BRINP3: variants seen among roughly 807,000 people sequenced by gnomAD.
BRINP3 encodes the protein BMP/retinoic acid inducible neural specific 3, also known as BMP/retinoic acid-inducible neural-specific protein 3.
In BRINP3, 19 loss-of-function variants were observed where a neutral mutation model predicts 71.0. The ratio of observed to expected loss-of-function variants is 0.27; its 90% confidence interval spans 0.19 to 0.39. The LOEUF is 0.39. Among genes scored for constraint, BRINP3 ranks in the 10% least tolerant of loss-of-function variants. BRINP3 has a pLI of 1.00. For synonymous variants in BRINP3, 380 were observed against 337.7 expected, an observed-to-expected ratio of 1.13 and a Z score of -1.37; for missense variants, 959 against 940.8, an observed-to-expected ratio of 1.02 and a Z score of -0.25.
intron 2 of BRINP3, among the ~76,000 whole-genome samples, chr1:190,402,499 C>A (rs182371652): frequency 1.3e-5 from 2 of 152,234 alleles, no homozygotes; most frequent in East Asian, 3.9e-4. Context: ...AAATCTCTTA[C>A]AAGGTATCTT....
intron 2 of BRINP3, among the ~76,000 whole-genome samples, chr1:190,311,970 T>A (rs1283584168): frequency 7.0e-6 from 1 of 143,106 alleles, no homozygotes; most frequent in African/African-American, 2.5e-5. Flanking sequence ...TTATCTTAAT[T>A]AGACAAAATA....
At position 190,160,772 on chromosome 1, in the gene BRINP3, G is replaced by A. The variant is rs767472596; in HGVS notation, c.1080C>T (p.Asn360=). Residue 360 remains asparagine, a synonymous_variant, in exon 7 of 8, where the codon AAC becomes AAT. Coordinates refer to ENST00000367462, the MANE Select transcript of BRINP3 (RefSeq NM_199051.3). ...NFQRRYEQLE[N]SMKQLFLKAQ... ...CCTTTAGGAAAAGTTGTTTCATGCT[G>A]TTCTCCAGTTGTTCATAACGGCGCT... is the stretch of plus-strand genomic sequence containing the variant. 1 of 1,613,552 alleles carries A rather than the reference G, an allele frequency of 6.2e-7. No homozygotes were observed. Among genetic ancestry groups the A allele is most frequent in the East Asian group, 2.2e-5 (1 of 44,818 alleles).
chr1:190,140,974 T>C (rs1416481668), intron 7 of BRINP3, among the ~76,000 whole-genome samples: 3 of 152,190 alleles, frequency 2.0e-5, no homozygotes, highest in Non-Finnish European at 4.4e-5. Flanking sequence ...TTTAAAATCT[T>C]TGATGCTAAT....
chr1:190,327,475 C>A (rs1370786380), intron 2 of BRINP3, among the ~76,000 whole-genome samples: 3 of 109,208 alleles, frequency 2.7e-5, no homozygotes, highest in South Asian at 3.3e-4. Context: ...AGATCAAGGA[C>A]ACAAACAAAA....
intron 2 of BRINP3, among the ~76,000 whole-genome samples, chr1:190,395,103 T>C (rs1035532076): frequency 4.0e-5 from 6 of 151,772 alleles, no homozygotes; most frequent in Non-Finnish European, 5.9e-5. Context: ...CAGGCAGCTA[T>C]TTATTTCTCA....
intron 6 of BRINP3, among the ~76,000 whole-genome samples, chr1:190,172,779 G>A (rs543540769): frequency 1.5e-4 from 23 of 152,214 alleles, no homozygotes; most frequent in African/African-American, 4.8e-4. Flanking sequence ...TACGACAATC[G>A]AACATAGCCT....
At chr1:190,458,968 AC>A (rs371624918) in intron 1 of BRINP3, among the ~76,000 whole-genome samples, 146 of 152,044 alleles carry the variant, frequency 9.6e-4, no homozygotes, top group African/African-American at 3.0e-3. Flanking sequence ...ACACAAAAAA[AC>A]AAAACATTAA....
intron 6 of BRINP3, among the ~76,000 whole-genome samples, chr1:190,188,502 A>G (rs1201729441): frequency 6.6e-6 from 1 of 152,182 alleles, no homozygotes; most frequent in African/African-American, 2.4e-5. Context: ...TGGGATTGTC[A>G]TATATAGCCT....
intron 2 of BRINP3, among the ~76,000 whole-genome samples, chr1:190,397,241 A>T (rs1671639172): frequency 6.6e-6 from 1 of 152,000 alleles, no homozygotes; most frequent in Non-Finnish European, 1.5e-5. Flanking sequence ...GCCATGAAGA[A>T]TCAAGAAAAA....
chr1:190,352,550 G>A (rs543379391), intron 2 of BRINP3, among the ~76,000 whole-genome samples: 32 of 151,942 alleles, frequency 2.1e-4, no homozygotes, highest in African/African-American at 7.2e-4. Context: ...AGAGATTGAA[G>A]CTCTTAATTG....
At chr1:190,252,113 T>C (rs1660204191) in intron 4 of BRINP3, among the ~76,000 whole-genome samples, 1 of 152,052 alleles carries the variant, frequency 6.6e-6, no homozygotes. Context: ...GAACCTTTAT[T>C]ACTGGCAGCT....
intron 7 of BRINP3, among the ~76,000 whole-genome samples, chr1:190,109,460 T>C (rs955627561): frequency 1.3e-5 from 2 of 152,210 alleles, no homozygotes; most frequent in Non-Finnish European, 2.9e-5. Context: ...ATTCCTCATA[T>C]ACACCATAAA....
intron 1 of BRINP3, among the ~76,000 whole-genome samples, chr1:190,469,469 A>G (rs1676983326): frequency 6.6e-6 from 1 of 151,046 alleles, no homozygotes; most frequent in African/African-American, 2.4e-5. Flanking sequence ...TTATCTTAAA[A>G]TAGTATTTTG....
At chr1:190,193,060 C>T (rs1327075802) in intron 6 of BRINP3, among the ~76,000 whole-genome samples, 2 of 151,958 alleles carry the variant, frequency 1.3e-5, no homozygotes, top group East Asian at 3.9e-4. Flanking sequence ...CCAAGGCAAT[C>T]CAAATGTTCT....
At chr1:190,324,419 C>A (rs529381268) in intron 2 of BRINP3, among the ~76,000 whole-genome samples, 1 of 151,858 alleles carries the variant, frequency 6.6e-6, no homozygotes. Context: ...TTTCCCCCTA[C>A]AAAAATTCCC....
intron 2 of BRINP3, among the ~76,000 whole-genome samples, chr1:190,446,670 T>C (rs1162760519): frequency 2.0e-5 from 3 of 152,120 alleles, no homozygotes; most frequent in African/African-American, 7.2e-5. Context: ...ATCCAAAAAA[T>C]TGAACTTTAT....
chr1:190,142,831 A>G lies in BRINP3; in HGVS notation c.1184+17837T>C, dbSNP rs71637228. ...CTTCAGCAATATGTTTTATTTAGGG[A>G]AAAAAAAAAAGTTGGCCTTTCTGGA... On this transcript the variant is annotated intron_variant, in intron 7 of 7. Coordinates refer to ENST00000367462, the MANE Select transcript of BRINP3 (RefSeq NM_199051.3). Among the ~76,000 whole-genome samples the G allele has an allele frequency of 4.4e-4, 50 of 112,768 alleles. No individual in the cohort carries two copies. In the East Asian group the frequency reaches 0.01, roughly 23 times the overall value. 74.0% of individuals were successfully genotyped at this position (112,768 alleles called of 152,430 possible).
intron 2 of BRINP3, among the ~76,000 whole-genome samples, chr1:190,302,226 G>T (rs995163789): frequency 1.4e-5 from 2 of 147,538 alleles, no homozygotes; most frequent in Non-Finnish European, 1.5e-5. Flanking sequence ...GTTTGGACAA[G>T]AAGTGTATAT....
In BRINP3 at chr1:190,099,089, G is replaced by A; in HGVS notation, c.1230C>T (p.Cys410=). ...AGCTGCCTAGGAGGCCGTTCTCATT[G>A]CAGTAGAGAAAAGACTGGATGCGAG... ...WLTRIQSFLY[C]NENGLLGSFS... The change falls in exon 8 of 8, where the codon TGC becomes TGT. Residue 410 remains cysteine, a synonymous_variant. Transcript: ENST00000367462. 1.2e-6 allele frequency: 2 copies of A among 1,614,096 alleles called. No individual in the cohort carries two copies. The highest frequency in any genetic ancestry group is 1.7e-6 in the Non-Finnish European group (2 of 1,179,968).
Sources: gnomAD v4.1 joint callset for allele counts (sites outside exome capture counted in the v4.1 genomes callset) on GRCh38, gnomAD v4.1.1 for gene constraint, MANE v1.5 for transcripts, NCBI Gene and HGNC (gene_info 2026-07-23, HGNC 2026-07-21) for gene names.